Variants in SMURF2 observed in about 807,000 individuals in gnomAD.
SMURF2 encodes SMAD specific E3 ubiquitin protein ligase 2.
Under a neutral mutation model 109.6 loss-of-function variants are expected in SMURF2, and 48 were observed. The ratio of observed to expected loss-of-function variants is 0.44; its 90% confidence interval spans 0.35 to 0.56. The LOEUF is 0.56. Among genes scored for constraint, SMURF2 ranks in the 20% least tolerant of loss-of-function variants. SMURF2 has a pLI of 0.01. For missense variants in SMURF2, 575 were observed against 909.0 expected, an observed-to-expected ratio of 0.63 and a Z score of 4.72; for synonymous variants, 288 against 317.1, an observed-to-expected ratio of 0.91 and a Z score of 0.97.
intron 6 of SMURF2, among the ~76,000 whole-genome samples, chr17:64,585,060 G>T (rs1475320007): frequency 6.6e-6 from 1 of 151,996 alleles, no homozygotes; most frequent in Non-Finnish European, 1.5e-5. Context: ...CATAACCTGG[G>T]TATAAAATTT....
Position 64,603,583 on chromosome 17 carries a change from GA to G in SMURF2, c.91+3018del, listed in dbSNP as rs75365686. ...GGGACAGAGCAAGACTCCGTCGGGGGAAAAAAAAAAAAAAAAACATAATGAA... is the reference window on the plus strand; with the variant it reads ...GGGACAGAGCAAGACTCCGTCGGGGGAAAAAAAAAAAAAAAACATAATGAA... On this transcript the variant is annotated intron_variant, in intron 2 of 18. Coordinates refer to ENST00000262435, the MANE Select transcript of SMURF2 (RefSeq NM_022739.4). Among the ~76,000 whole-genome samples the G allele has an allele frequency of 9.5e-3, 1,148 of 120,314 alleles. 6 individuals are homozygous for G. Among genetic ancestry groups the G allele is most frequent in the East Asian group, 0.02 (76 of 3,854 alleles). The allele number at this position is 120,314 out of a possible 152,430, so 78.9% of individuals were successfully genotyped here.
intron 3 of SMURF2, among the ~76,000 whole-genome samples, chr17:64,597,520 C>A (rs1220783083): frequency 2.0e-5 from 3 of 152,018 alleles, no homozygotes; most frequent in African/African-American, 7.2e-5. Flanking sequence ...TGTCTGTAAT[C>A]CCGGCACTTT....
chr17:64,560,354 C>G (rs1568174125), intron 12 of SMURF2, among the ~76,000 whole-genome samples: 1 of 152,122 alleles, frequency 6.6e-6, no homozygotes, highest in South Asian at 2.1e-4. Flanking sequence ...AATACAAATT[C>G]CACAGAAACT....
chr17:64,579,301 GAAC>G (rs1424835548), intron 8 of SMURF2, among the ~76,000 whole-genome samples: 1 of 150,998 alleles, frequency 6.6e-6, no homozygotes, highest in Non-Finnish European at 1.5e-5. Flanking sequence ...TTTTTTTTTA[GAAC>G]AACAGAACCA....
chr17:64,620,537 T>C (rs1395923202), intron 1 of SMURF2, among the ~76,000 whole-genome samples: 6 of 152,206 alleles, frequency 3.9e-5, no homozygotes, highest in African/African-American at 1.4e-4. Context: ...ATTCATAATG[T>C]TCTTCCCACC....
At chr17:64,577,451 G>GT (rs1969510140) in intron 9 of SMURF2, among the ~76,000 whole-genome samples, 3 of 151,966 alleles carry the variant, frequency 2.0e-5, no homozygotes, top group Admixed American at 2.0e-4. Flanking sequence ...TATACCTAAT[G>GT]TAAATGACAA....
At chr17:64,615,801 G>C (rs1164213915) in intron 1 of SMURF2, among the ~76,000 whole-genome samples, 1 of 152,070 alleles carries the variant, frequency 6.6e-6, no homozygotes, top group Admixed American at 6.6e-5. Flanking sequence ...TAAAGATTAT[G>C]TAAATGTATT....
intron 1 of SMURF2, among the ~76,000 whole-genome samples, chr17:64,653,130 G>A (rs782090633): frequency 8.6e-5 from 13 of 151,826 alleles, no homozygotes; most frequent in Non-Finnish European, 1.5e-4. Context: ...GCTACAGTCC[G>A]GGAGAAAATA....
At position 64,555,978 on chromosome 17, in the gene SMURF2, G is replaced by C; in HGVS notation, c.1452C>G (p.His484Gln). The part of the protein sequence containing the change: ...AVNPEHLSYF[H>Q]FVGRIMGMAV... ...CCATTCCCATTATTCGTCCAACAAA[G>C]TGGAAATAGGATAAATGTTCCTGAA... The change falls in exon 14 of 19, where the codon CAC (histidine) becomes CAG (glutamine). Residue 484 changes from histidine to glutamine, a missense_variant. This residue lies in a region of SMURF2 where 361 missense variants were observed against 612.1 expected (regional missense o/e 0.59). Transcript: ENST00000262435. 6.2e-7 allele frequency: 1 copy of C among 1,610,466 alleles called. No individual in the cohort carries two copies. Among genetic ancestry groups the C allele is most frequent in the Non-Finnish European group, 8.5e-7 (1 of 1,177,910 alleles).
intron 1 of SMURF2, among the ~76,000 whole-genome samples, chr17:64,638,062 C>CTTTTTTTTT (rs1195172818): frequency 1.2e-4 from 12 of 102,422 alleles, no homozygotes; most frequent in South Asian, 3.3e-4. Flanking sequence ...TTTCCTTTTT[C>CTTTTTTTTT]TTTTTTTTTT....
chr17:64,550,550 T>A (rs1226427511), intron 16 of SMURF2, among the ~76,000 whole-genome samples: 2 of 151,620 alleles, frequency 1.3e-5, no homozygotes, highest in Non-Finnish European at 2.9e-5. Context: ...AAGGCCGAGG[T>A]GGGTGGATTA....
At chr17:64,631,778 T>C (rs560387360) in intron 1 of SMURF2, among the ~76,000 whole-genome samples, 1 of 152,328 alleles carries the variant, frequency 6.6e-6, no homozygotes, top group South Asian at 2.1e-4. Context: ...ATAATTAATA[T>C]GCATTGAGCA....
At chr17:64,651,651 C>G (rs782308164) in intron 1 of SMURF2, among the ~76,000 whole-genome samples, 1 of 151,884 alleles carries the variant, frequency 6.6e-6, no homozygotes, top group Non-Finnish European at 1.5e-5. Flanking sequence ...CCAGGCGCAG[C>G]AATGGCTCAG....
chr17:64,619,392 C>T (rs374481096), intron 1 of SMURF2, among the ~76,000 whole-genome samples: 13 of 148,610 alleles, frequency 8.7e-5, no homozygotes, highest in African/African-American at 3.0e-4. Flanking sequence ...GCAGGAGAAT[C>T]GCCTGAACCC....
intron 9 of SMURF2, chr17:64,573,113 T>C (rs1969422063): frequency 8.5e-6 from 1 of 118,330 alleles, no homozygotes; most frequent in African/African-American, 3.2e-5. Context: ...GGTCCTCTTT[T>C]TATTAAAAAA....
At position 64,658,060 on chromosome 17, in the gene SMURF2, TAA is replaced by T. The variant is rs1389983839; in HGVS notation, c.52+3767_52+3768del. On this transcript the variant is annotated intron_variant, in intron 1 of 18. Transcript: ENST00000262435. ...TCAAATCACTAACACCTCTAGTATA[TAA>T]AGTCATTATGGGCCGGGTGCCGTGG... is the stretch of plus-strand genomic sequence containing the variant. 3.3e-5 allele frequency among the ~76,000 whole-genome samples: 5 copies of T among 152,060 alleles called. No homozygotes were observed. In the South Asian group the frequency reaches 1.0e-3, roughly 32 times the overall value.
chr17:64,590,061 C>T (rs1322641657), intron 5 of SMURF2, among the ~76,000 whole-genome samples: 1 of 151,940 alleles, frequency 6.6e-6, no homozygotes, highest in Non-Finnish European at 1.5e-5. Flanking sequence ...TAACTAAAAC[C>T]TCTCTGATGG....
At chr17:64,549,111 C>T (rs1424698444) in intron 16 of SMURF2, among the ~76,000 whole-genome samples, 2 of 151,798 alleles carry the variant, frequency 1.3e-5, no homozygotes, top group Admixed American at 6.6e-5. Context: ...TGGCGAAACC[C>T]TGTATCTACT....
intron 11 of SMURF2, among the ~76,000 whole-genome samples, 179 bp downstream of exon 11, chr17:64,562,592 T>C (rs576084217): frequency 9.2e-5 from 14 of 152,092 alleles, no homozygotes; most frequent in Non-Finnish European, 1.9e-4. Context: ...TTAGTCAGCC[T>C]GGCCTCGAGC....
Sources: allele counts gnomAD v4.1 joint callset (sites outside exome capture counted in the v4.1 genomes callset), GRCh38; gene constraint gnomAD v4.1.1; regional missense constraint gnomAD v4.1.1; transcripts MANE v1.5; gene names NCBI Gene and HGNC (gene_info 2026-07-23, HGNC 2026-07-21).